The following ARB2A variants were observed in gnomAD, a reference collection of about 807,000 sequenced individuals.
ARB2A encodes ARB2 cotranscriptional regulator A.
the ARB2A span, among the ~76,000 whole-genome samples, chr5:94,055,246 T>C: frequency 6.6e-6 from 1 of 152,204 alleles, no homozygotes; most frequent in Non-Finnish European, 1.5e-5. Context: ...CTCTTCATTC[T>C]AACTCAAGTT....
At chr5:94,043,120 A>C in the ARB2A span, among the ~76,000 whole-genome samples, 2 of 152,202 alleles carry the variant, frequency 1.3e-5, no homozygotes, top group African/African-American at 4.8e-5. Flanking sequence ...CAGGTTTCTG[A>C]TAACTTTGAA....
At chr5:94,079,777 T>C in the ARB2A span, among the ~76,000 whole-genome samples, 1 of 151,938 alleles carries the variant, frequency 6.6e-6, no homozygotes, top group Non-Finnish European at 1.5e-5. Flanking sequence ...TTATCATATC[T>C]CTCCCAATAC....
the ARB2A span, among the ~76,000 whole-genome samples, chr5:93,982,341 A>AAT: frequency 4.8e-4 from 73 of 152,204 alleles, no homozygotes; most frequent in East Asian, 8.5e-3. Context: ...GATATAAATA[A>AAT]ATATATATAT....
At chr5:93,746,260 C>A in the ARB2A span, among the ~76,000 whole-genome samples, 11 of 152,066 alleles carry the variant, frequency 7.2e-5, no homozygotes, top group Non-Finnish European at 1.0e-4. Flanking sequence ...AAGAGCTAAT[C>A]AAATCAAGGT....
chr5:93,973,822 C>T, the ARB2A span, among the ~76,000 whole-genome samples: 1 of 152,166 alleles, frequency 6.6e-6, no homozygotes. Context: ...CTAAGCTTCA[C>T]AAACAAAAGA....
At chr5:94,106,572 A>G in the ARB2A span, among the ~76,000 whole-genome samples, 1 of 151,938 alleles carries the variant, frequency 6.6e-6, no homozygotes, top group Non-Finnish European at 1.5e-5. Context: ...GGAAATTTCT[A>G]AAGAACCTAA....
chr5:93,741,335 C>G, the ARB2A span: 9 of 1,612,002 alleles, frequency 5.6e-6, no homozygotes, highest in African/African-American at 9.3e-5. Context: ...CTGCAGGGTG[C>G]TATCCAGCCC....
chr5:93,996,381 C>T, the ARB2A span, among the ~76,000 whole-genome samples: 1 of 151,772 alleles, frequency 6.6e-6, no homozygotes, highest in African/African-American at 2.4e-5. Context: ...GAAAAATGAA[C>T]AGGGGGCTTT....
chr5:93,994,625 G>A, the ARB2A span, among the ~76,000 whole-genome samples: 1 of 151,776 alleles, frequency 6.6e-6, no homozygotes, highest in Admixed American at 6.6e-5. Context: ...TAAATACACT[G>A]GTAAATATTT....
the ARB2A span, among the ~76,000 whole-genome samples, chr5:93,926,653 G>A: frequency 6.6e-6 from 1 of 151,938 alleles, no homozygotes; most frequent in Non-Finnish European, 1.5e-5. Context: ...GCGATAAAAT[G>A]CAAATGTGGG....
the ARB2A span, among the ~76,000 whole-genome samples, chr5:94,012,177 C>T: frequency 6.6e-6 from 1 of 152,046 alleles, no homozygotes; most frequent in Non-Finnish European, 1.5e-5. Flanking sequence ...CCAAGGCGGG[C>T]AGATCACAAG....
At chr5:93,721,086 A>C in the ARB2A span, among the ~76,000 whole-genome samples, 703 of 152,318 alleles carry the variant, frequency 4.6e-3, 3 homozygotes, top group Non-Finnish European at 7.4e-3. Context: ...AAGATTAAGG[A>C]AACAGGCTAA....
the ARB2A span, among the ~76,000 whole-genome samples, chr5:93,828,172 T>C: frequency 2.6e-5 from 4 of 152,158 alleles, no homozygotes; most frequent in African/African-American, 9.7e-5. Flanking sequence ...AATCTATAAA[T>C]TACCTTGGGC....
the ARB2A span, among the ~76,000 whole-genome samples, chr5:93,977,090 A>AG: frequency 3.4e-4 from 51 of 152,142 alleles, no homozygotes; most frequent in African/African-American, 1.2e-3. Flanking sequence ...CAGTGCTGAA[A>AG]GACTCACAGA....
At chr5:93,930,623 A>G in the ARB2A span, among the ~76,000 whole-genome samples, 1 of 152,202 alleles carries the variant, frequency 6.6e-6, no homozygotes, top group Admixed American at 6.5e-5. Flanking sequence ...GTGATGTAAG[A>G]AGAGCACCAG....
At chr5:93,848,595 C>T in the ARB2A span, among the ~76,000 whole-genome samples, 15 of 151,934 alleles carry the variant, frequency 9.9e-5, no homozygotes, top group African/African-American at 3.6e-4. Context: ...GGATTCTGAC[C>T]ATTGCAATCA....
the ARB2A span, among the ~76,000 whole-genome samples, chr5:93,851,067 AT>A: frequency 3.9e-5 from 6 of 152,202 alleles, no homozygotes; most frequent in African/African-American, 1.4e-4. Context: ...GAATTCATTC[AT>A]TTTGTCAGAT....
At chr5:93,637,893 A>G in the ARB2A span, among the ~76,000 whole-genome samples, 1 of 152,146 alleles carries the variant, frequency 6.6e-6, no homozygotes. Flanking sequence ...TTTGGACTGT[A>G]TTGCATCAGC....
the ARB2A span, among the ~76,000 whole-genome samples, chr5:93,828,402 T>C: frequency 1.3e-5 from 2 of 152,246 alleles, no homozygotes; most frequent in Admixed American, 6.5e-5. Context: ...TTGTCTGTTA[T>C]TGGTGTAGAA....
Sources: gnomAD v4.1 joint callset for allele counts (sites outside exome capture counted in the v4.1 genomes callset) on GRCh38, gnomAD v4.1.1 for gene constraint, MANE v1.5 for transcripts, NCBI Gene and HGNC (gene_info 2026-07-23, HGNC 2026-07-21) for gene names.